PDE4D: variants seen among roughly 807,000 people sequenced by gnomAD.
PDE4D encodes the protein 3',5'-cyclic-AMP phosphodiesterase 4D.
PDE4D carries 24 observed loss-of-function variants against 87.4 expected under a neutral mutation model. The ratio of observed to expected loss-of-function variants is 0.27; its 90% confidence interval spans 0.20 to 0.39. The LOEUF (loss-of-function observed/expected upper bound fraction) is 0.39, where lower values mean the gene tolerates loss of function less well. Among genes scored for constraint, PDE4D ranks in the 10% least tolerant of loss-of-function variants. The probability of loss-of-function intolerance (pLI) is 1.00; values close to 1 mark genes in which losing one functional copy is unlikely to be tolerated. For synonymous variants in PDE4D, 384 were observed against 383.2 expected (o/e 1.00, Z -0.02); for missense variants, 714 against 1,041.0 (o/e 0.69, Z 4.32).
At chr5:59,739,421 AAAC>A (rs977202467) in intron 1 of PDE4D, among the ~76,000 whole-genome samples, 30 of 152,204 alleles carry the variant, frequency 2.0e-4, no homozygotes, top group Admixed American at 3.3e-4. Context: ...CTCTGTGTCA[AAAC>A]AACAACAACA....
intron 1 of PDE4D, among the ~76,000 whole-genome samples, chr5:59,886,058 G>C (rs1414351223): frequency 1.3e-5 from 2 of 152,110 alleles, no homozygotes; most frequent in Admixed American, 1.3e-4. Flanking sequence ...GTCTGAGAGA[G>C]CACAAACTAA....
At position 60,045,583 on chromosome 5, in the gene PDE4D, C is replaced by T. The variant is rs527851165; in HGVS notation, c.43-56866G>A. 6.9e-3 allele frequency among the ~76,000 whole-genome samples: 1,057 copies of T among 152,280 alleles called. 10 individuals are homozygous for T. The highest frequency in any genetic ancestry group is 0.024 in the African/African-American group (1,005 of 41,542). On this transcript the variant is annotated intron_variant, in intron 2 of 16. Transcript: ENST00000502484. The stretch of plus-strand genomic sequence containing the variant: ...TCCAGTTTCAGCTTTCTACATATGG[C>T]TAGCCAGTTTTCCCAGCACCATTTA...
At chr5:60,083,768 C>T (rs938383796) in intron 2 of PDE4D, among the ~76,000 whole-genome samples, 5 of 152,206 alleles carry the variant, frequency 3.3e-5, no homozygotes, top group South Asian at 2.1e-4. Flanking sequence ...ACACATAGAA[C>T]GGTTTAAGGA....
intron 3 of PDE4D, among the ~76,000 whole-genome samples, chr5:59,926,720 A>G (rs1755329825): frequency 1.3e-5 from 2 of 152,214 alleles, no homozygotes; most frequent in Admixed American, 6.5e-5. Flanking sequence ...TGAAATTAGA[A>G]GTATCATTAG....
At position 60,077,494 on chromosome 5, in the gene PDE4D, G is replaced by T. The variant is rs377052178; in HGVS notation, c.43-88777C>A. ...CAGGAGCTGTAATGCAGGCCCCCAC[G>T]AGCTACCTGGGGACTGCACTGCAAG... is the stretch of plus-strand genomic sequence containing the variant. On this transcript the variant is annotated intron_variant, in intron 2 of 16. Transcript: ENST00000502484. Among the ~76,000 whole-genome samples, 45 of 152,260 alleles carry T rather than the reference G, an allele frequency of 3.0e-4. 1 individual carries two copies. Among genetic ancestry groups the T allele is most frequent in the African/African-American group, 9.9e-4 (41 of 41,564 alleles).
intron 2 of PDE4D, among the ~76,000 whole-genome samples, chr5:60,166,233 T>A (rs768388452): frequency 6.6e-6 from 1 of 152,222 alleles, no homozygotes; most frequent in East Asian, 1.9e-4. Flanking sequence ...TAGCTGGGAC[T>A]ACAGGCGCCC....
intron 1 of PDE4D, among the ~76,000 whole-genome samples, chr5:60,271,862 C>G (rs1240243892): frequency 6.6e-6 from 1 of 152,112 alleles, no homozygotes; most frequent in Non-Finnish European, 1.5e-5. Flanking sequence ...TTGAGAATGA[C>G]AAAGCACCTA....
At chr5:59,331,379 C>T (rs1156468282) in intron 1 of PDE4D, among the ~76,000 whole-genome samples, 2 of 152,148 alleles carry the variant, frequency 1.3e-5, no homozygotes, top group East Asian at 1.9e-4. Context: ...ACGTAGTCTT[C>T]TCTGCGTGTG....
At chr5:59,557,413 G>T (rs1340228986) in intron 1 of PDE4D, among the ~76,000 whole-genome samples, 1 of 152,022 alleles carries the variant, frequency 6.6e-6, no homozygotes, top group African/African-American at 2.4e-5. Context: ...GGCATTTTGA[G>T]ATCTAGAATC....
At chr5:59,039,278 G>A (rs1759172059) in intron 5 of PDE4D, 10 of 1,145,220 alleles carry the variant, frequency 8.7e-6, no homozygotes, top group Admixed American at 5.0e-5. Context: ...ACCACTATGC[G>A]ACTTTTCAAC....
At chr5:59,487,666 C>T (rs1180800205) in intron 1 of PDE4D, among the ~76,000 whole-genome samples, 2 of 152,060 alleles carry the variant, frequency 1.3e-5, no homozygotes, top group Admixed American at 1.3e-4. Flanking sequence ...GAGAGCAACA[C>T]AAAAAACATG....
intron 1 of PDE4D, among the ~76,000 whole-genome samples, chr5:59,607,030 C>T (rs959126285): frequency 6.6e-6 from 1 of 151,878 alleles, no homozygotes; most frequent in African/African-American, 2.4e-5. Flanking sequence ...AATATTTTTC[C>T]CTACGTTTCA....
At chr5:59,852,740 G>A (rs991038025) in intron 1 of PDE4D, among the ~76,000 whole-genome samples, 4 of 151,958 alleles carry the variant, frequency 2.6e-5, no homozygotes, top group Non-Finnish European at 4.4e-5. Flanking sequence ...CTAATTAAGA[G>A]GTGTATAAGA....
chr5:59,963,539 A>G (rs550714230), intron 3 of PDE4D, among the ~76,000 whole-genome samples: 1 of 135,946 alleles, frequency 7.4e-6, no homozygotes, highest in South Asian at 2.3e-4. Context: ...AGCAGAACAT[A>G]AAAACGGGCT....
intron 1 of PDE4D, among the ~76,000 whole-genome samples, chr5:60,437,477 C>G (rs965838575): frequency 3.3e-5 from 5 of 152,044 alleles, no homozygotes; most frequent in African/African-American, 1.2e-4. Context: ...AGCTAAGTGG[C>G]CAGCTTGTGG....
chr5:59,460,062 T>A (rs1280585583), intron 1 of PDE4D, among the ~76,000 whole-genome samples: 3 of 151,644 alleles, frequency 2.0e-5, no homozygotes, highest in Non-Finnish European at 4.4e-5. Context: ...GATGTCCATA[T>A]GGAAAAAATA....
At position 59,893,380 on chromosome 5, in the gene PDE4D, C is replaced by G; in HGVS notation, c.243G>C (p.Leu81=). 1 of 1,251,436 alleles carries G rather than the reference C, an allele frequency of 8.0e-7. No individual in the cohort carries two copies. The highest frequency in any genetic ancestry group is 1.0e-6 in the Non-Finnish European group (1 of 998,406). The allele number at this position is 1,251,436 out of a possible 1,614,324, so 77.5% of individuals were successfully genotyped here. Residue 81 remains leucine, a synonymous_variant, in exon 1 of 15, where the codon CTG becomes CTC. Coordinates refer to ENST00000340635, the MANE Select transcript of PDE4D (RefSeq NM_001104631.2). ...CPLQPPPPPP[L]PPPPPPPGAA... is the part of the protein sequence containing the mutation. ...CCCCGGGCGGCGGCGGGGGCGGCGGCAGGGGGGGCGGCGGCGGCGGCTGTA... is the reference window on the plus strand; with the variant it reads ...CCCCGGGCGGCGGCGGGGGCGGCGGGAGGGGGGGCGGCGGCGGCGGCTGTA...
intron 1 of PDE4D, among the ~76,000 whole-genome samples, chr5:59,339,928 GTTGTTTTGTT>G (rs745501592): frequency 4.0e-5 from 6 of 148,284 alleles, no homozygotes; most frequent in African/African-American, 1.2e-4. Context: ...GGGTTTTTTT[GTTGTTTTGTT>G]TTGTTTTGTT....
At chr5:60,484,360 C>T (rs1174719646) in intron 1 of PDE4D, among the ~76,000 whole-genome samples, 4 of 151,996 alleles carry the variant, frequency 2.6e-5, no homozygotes, top group Non-Finnish European at 5.9e-5. Context: ...GGAAAGAAAG[C>T]TTAACCAACA....
Sources: allele counts gnomAD v4.1 joint callset (sites outside exome capture counted in the v4.1 genomes callset), GRCh38; gene constraint gnomAD v4.1.1; transcripts MANE v1.5; gene names NCBI Gene and HGNC (gene_info 2026-07-23, HGNC 2026-07-21).